SPATA21: variants seen among roughly 807,000 people sequenced by gnomAD.
SPATA21 encodes spermatogenesis associated 21.
SPATA21 carries 47 observed loss-of-function variants against 54.8 expected under a neutral mutation model. That is an observed-to-expected ratio of 0.86 (90% CI 0.68 to 1.09). The LOEUF is 1.09. Ranked by LOEUF, SPATA21 falls within the 50% of genes least tolerant of loss-of-function variation. The pLI is 0.00. For missense variants in SPATA21, 599 were observed against 596.4 expected (o/e 1.00, Z -0.05); for synonymous variants, 245 against 235.3 (o/e 1.04, Z -0.38).
Position 16,399,460 on chromosome 1 carries a change from G to A in SPATA21, c.1236C>T (p.Asp412=). ...TCGGCTGCCTACGGACCATCTTCTT[G>A]TCCAGCTGTGGGCAGAGCAGGATGC... The part of the protein sequence containing the change: ...VPCILLCPQL[D]KKMVRRQPSN... Residue 412 remains aspartate, a synonymous_variant, in exon 12 of 13, where the codon GAC becomes GAT. Transcript: ENST00000335496. The A allele has an allele frequency of 1.9e-6, 3 of 1,613,554 alleles. No individual in the cohort carries two copies. Among genetic ancestry groups the A allele is most frequent in the Non-Finnish European group, 1.7e-6 (2 of 1,180,034 alleles).
intron 7 of SPATA21, among the ~76,000 whole-genome samples, chr1:16,408,037 G>A (rs2085703148): frequency 6.6e-6 from 1 of 152,138 alleles, no homozygotes; most frequent in South Asian, 2.1e-4. Context: ...AAAGTGCTGG[G>A]ATTATAGGCA....
intron 5 of SPATA21, among the ~76,000 whole-genome samples, chr1:16,415,504 A>G (rs1033935261): frequency 1.3e-5 from 2 of 152,202 alleles, no homozygotes; most frequent in Non-Finnish European, 2.9e-5. Context: ...TTGCAGATAC[A>G]GACTCTGAGC....
intron 8 of SPATA21, 120 bp from the exon 9 acceptor site, chr1:16,404,159 A>G (rs565684516): frequency 2.5e-6 from 2 of 805,336 alleles, no homozygotes; most frequent in South Asian, 1.6e-5. Context: ...TGCATACTCA[A>G]TGCAGAAAAC....
At chr1:16,401,355 C>T (rs987115647) in intron 10 of SPATA21, among the ~76,000 whole-genome samples, 9 of 152,130 alleles carry the variant, frequency 5.9e-5, no homozygotes, top group African/African-American at 1.7e-4. Flanking sequence ...AGTGCAGTGG[C>T]GTGAACATGG....
chr1:16,433,558 C>A (rs1367462592), intron 1 of SPATA21, among the ~76,000 whole-genome samples: 1 of 152,230 alleles, frequency 6.6e-6, no homozygotes, highest in African/African-American at 2.4e-5. Context: ...TCAAACACAC[C>A]CCCTATTGTC....
At chr1:16,416,387 T>C (rs1032728045) in intron 5 of SPATA21, among the ~76,000 whole-genome samples, 1 of 152,018 alleles carries the variant, frequency 6.6e-6, no homozygotes, top group African/African-American at 2.4e-5. Context: ...AGTTAAAGAA[T>C]GTGGTGGGGG....
intron 2 of SPATA21, among the ~76,000 whole-genome samples, chr1:16,432,025 C>T (rs1382596612): frequency 6.6e-6 from 1 of 152,096 alleles, no homozygotes; most frequent in African/African-American, 2.4e-5. Flanking sequence ...CCCAAAGTCT[C>T]CAGCGGCAAT....
Position 16,409,179 on chromosome 1 carries a change from G to T in SPATA21, c.612C>A (p.Leu204=). The change falls in exon 7 of 13, where the codon CTC becomes CTA. Residue 204 remains leucine (L), a synonymous_variant. Coordinates refer to ENST00000335496, the MANE Select transcript of SPATA21 (RefSeq NM_198546.1). This position sits in a 1 kb window ranked among gnomAD's most constrained non-coding sequence, Gnocchi z 4.1. ...KARQEPEEQS[L]QKLYQNREKS... Reference sequence around the variant, plus strand: ...TCTCCCGGTTTTGATAAAGCTTTTGGAGGCTCTGCTCTTCCGGCTCCTGCC... The same window carrying T: ...TCTCCCGGTTTTGATAAAGCTTTTGTAGGCTCTGCTCTTCCGGCTCCTGCC... 6.2e-7 allele frequency: 1 copy of T among 1,614,116 alleles called. No individual in the cohort carries two copies. Among genetic ancestry groups the T allele is most frequent in the Non-Finnish European group, 8.5e-7 (1 of 1,180,028 alleles).
chr1:16,425,447 C>T, intron 3 of SPATA21: 1 of 1,431,568 alleles, frequency 7.0e-7, no homozygotes, highest in South Asian at 1.3e-5. Context: ...GAATGGGGGG[C>T]ATGATAGGAG....
rs1423275972 is a variant in SPATA21 at position 16,415,641 on chromosome 1, G to A, written c.145-5598C>T. ...TTGGTGTGATCTCGGCTCACTGCAAGCTCCACCTCCCGGGTTCACGCCATT... is the reference window on the plus strand; with the variant it reads ...TTGGTGTGATCTCGGCTCACTGCAAACTCCACCTCCCGGGTTCACGCCATT... On this transcript the variant is annotated intron_variant, in intron 5 of 12. Coordinates refer to ENST00000335496, the MANE Select transcript of SPATA21 (RefSeq NM_198546.1). Among the ~76,000 whole-genome samples the A allele has an allele frequency of 1.1e-3, 174 of 151,634 alleles. 2 individuals carry two copies. Among genetic ancestry groups the A allele is most frequent in the Non-Finnish European group, 2.9e-5 (2 of 67,846 alleles).
intron 8 of SPATA21, 43 bp downstream of exon 8, chr1:16,404,923 GC>G (rs1322023271): frequency 7.9e-6 from 12 of 1,514,780 alleles, no homozygotes; most frequent in Non-Finnish European, 1.1e-5. Flanking sequence ...AGCCAGTGAA[GC>G]AGGCCCTGCC....
chr1:16,411,401 C>G (rs1278814377), intron 5 of SPATA21, among the ~76,000 whole-genome samples: 1 of 152,046 alleles, frequency 6.6e-6, no homozygotes, highest in Non-Finnish European at 1.5e-5. Context: ...CCAGGCTGGT[C>G]TCAAAACCCT....
intron 5 of SPATA21, chr1:16,411,008 C>T (rs1193895520): frequency 1.1e-5 from 2 of 178,754 alleles, no homozygotes; most frequent in Non-Finnish European, 2.5e-5. Context: ...ACCCCAGTCT[C>T]TCTTGCACCT....
rs138384304 is a variant in SPATA21 at position 16,423,698 on chromosome 1, C to A, written c.35-1727G>T. Among the ~76,000 whole-genome samples the A allele has an allele frequency of 6.7e-3, 1,020 of 151,686 alleles. 10 individuals are homozygous for A. Among genetic ancestry groups the A allele is most frequent in the African/African-American group, 0.023 (969 of 41,374 alleles). ...AGCTGGGACTACAGGCACCTGCCAC[C>A]ATGCCCAGCTAATGTTTATATTTTT... On this transcript the variant is annotated intron_variant, in intron 3 of 12. Coordinates refer to ENST00000335496, the MANE Select transcript of SPATA21 (RefSeq NM_198546.1).
At chr1:16,399,243 T>C (rs2085368144) in intron 12 of SPATA21, 101 bp downstream of exon 12, 1 of 1,333,922 alleles carries the variant, frequency 7.5e-7, no homozygotes, top group South Asian at 1.5e-5. Flanking sequence ...GCCTCTCAGG[T>C]ATGATCTCTT....
At position 16,421,959 on chromosome 1, in the gene SPATA21, A is replaced by T; in HGVS notation, c.47T>A (p.Val16Asp). ...TQMYTEEEKT[V>D]NPFLPSTPGP... ...AGGCGTGGATGGCAGGAAGGGGTTGACTGTCTTTTCCTCTGGAGCCACGAC... is the reference window on the plus strand; with the variant it reads ...AGGCGTGGATGGCAGGAAGGGGTTGTCTGTCTTTTCCTCTGGAGCCACGAC... The change falls in exon 4 of 13, where the codon GTC becomes GAC. Residue 16 changes from valine to aspartate, a missense_variant. Transcript: ENST00000335496. The surrounding 1 kb of genome is among the most constrained non-coding windows in gnomAD (Gnocchi z 5.2). The T allele has an allele frequency of 6.2e-7, 1 of 1,614,140 alleles. No homozygotes were observed. The highest frequency in any genetic ancestry group is 8.5e-7 in the Non-Finnish European group (1 of 1,180,016).
At chr1:16,406,321 T>C (rs1429277471) in intron 7 of SPATA21, among the ~76,000 whole-genome samples, 1 of 152,182 alleles carries the variant, frequency 6.6e-6, no homozygotes, top group Non-Finnish European at 1.5e-5. Context: ...TGCTCTTATG[T>C]TGAAGCCCTA....
intron 1 of SPATA21, among the ~76,000 whole-genome samples, chr1:16,433,478 C>A (rs1005310951): frequency 6.6e-6 from 1 of 152,236 alleles, no homozygotes; most frequent in Admixed American, 6.5e-5. Flanking sequence ...CCTAGCCATT[C>A]CCGCTTCCTC....
At chr1:16,425,464 T>A in intron 3 of SPATA21, 1 of 1,499,880 alleles carries the variant, frequency 6.7e-7, no homozygotes, top group Non-Finnish European at 9.0e-7. Context: ...GGAGGGGGGC[T>A]CTTTCACCTC....
Sources: allele counts gnomAD v4.1 joint callset (sites outside exome capture counted in the v4.1 genomes callset), GRCh38; gene constraint gnomAD v4.1.1; non-coding constraint Gnocchi (gnomAD v3.1); transcripts MANE v1.5; gene names NCBI Gene and HGNC (gene_info 2026-07-23, HGNC 2026-07-21).